Variants in VPS13B observed in about 807,000 individuals in gnomAD.
VPS13B encodes intermembrane lipid transfer protein VPS13B.
Under a neutral mutation model 426.4 loss-of-function variants are expected in VPS13B, and 285 were observed. The observed-to-expected ratio is 0.67, with a 90% confidence interval of 0.61 to 0.74. VPS13B has a LOEUF of 0.74. Ranked by LOEUF, VPS13B falls within the 30% of genes least tolerant of loss-of-function variation. The pLI is 0.00. For synonymous variants in VPS13B, 1,676 were observed against 1,676.4 expected, an observed-to-expected ratio of 1.00 and a Z score of 0.01; for missense variants, 4,537 against 4,782.6, an observed-to-expected ratio of 0.95 and a Z score of 1.51.
intron 30 of VPS13B, among the ~76,000 whole-genome samples, chr8:99,552,725 A>G (rs952508265): frequency 6.6e-6 from 1 of 152,080 alleles, no homozygotes; most frequent in African/African-American, 2.4e-5. Context: ...TACAAAAAAT[A>G]TTTGGAGAAG....
chr8:99,201,306 G>C (rs1049349768), intron 17 of VPS13B, among the ~76,000 whole-genome samples: 4 of 151,940 alleles, frequency 2.6e-5, no homozygotes, highest in Non-Finnish European at 5.9e-5. Flanking sequence ...ATTATAAATT[G>C]TGATTTATTA....
chr8:99,422,106 T>C (rs893174035), intron 21 of VPS13B, among the ~76,000 whole-genome samples: 1 of 152,192 alleles, frequency 6.6e-6, no homozygotes, highest in Non-Finnish European at 1.5e-5. Context: ...AGTAGACCTG[T>C]CTTGCCTTTC....
intron 19 of VPS13B, among the ~76,000 whole-genome samples, chr8:99,356,189 C>T (rs1248348942): frequency 2.0e-5 from 3 of 152,204 alleles, no homozygotes; most frequent in Non-Finnish European, 4.4e-5. Flanking sequence ...GTAATTTAGA[C>T]TGTCACTATA....
chr8:99,739,332 G>A (rs1833969186), intron 39 of VPS13B, among the ~76,000 whole-genome samples: 1 of 152,206 alleles, frequency 6.6e-6, no homozygotes, highest in Non-Finnish European at 1.5e-5. Context: ...CTGGAAGCTC[G>A]AACTTGGTGG....
chr8:99,392,789 T>C (rs1017721558), intron 21 of VPS13B, among the ~76,000 whole-genome samples: 2 of 152,184 alleles, frequency 1.3e-5, no homozygotes, highest in African/African-American at 4.8e-5. Context: ...TAATTATGTT[T>C]ATTTTGTGGA....
At chr8:99,153,000 C>T (rs1811156043) in intron 14 of VPS13B, among the ~76,000 whole-genome samples, 1 of 151,916 alleles carries the variant, frequency 6.6e-6, no homozygotes, top group African/African-American at 2.4e-5. Flanking sequence ...AAAACCCTGT[C>T]TCTACAAAAA....
intron 24 of VPS13B, among the ~76,000 whole-genome samples, chr8:99,476,542 C>T (rs1819699550): frequency 6.6e-6 from 1 of 151,790 alleles, no homozygotes; most frequent in Non-Finnish European, 1.5e-5. Context: ...TATTGAAAGC[C>T]ACAAGTAAAG....
chr8:99,380,128 G>A (rs566071491), intron 19 of VPS13B, among the ~76,000 whole-genome samples: 178 of 152,148 alleles, frequency 1.2e-3, no homozygotes, highest in African/African-American at 4.0e-3. Flanking sequence ...TGTATATATC[G>A]TACTACTTTA....
At position 99,835,282 on chromosome 8, in the gene VPS13B, A is replaced by G; in HGVS notation, c.9700A>G (p.Asn3234Asp). The change falls in exon 53 of 62, where the codon AAT becomes GAT. Residue 3234 changes from asparagine (N) to aspartate (D), a missense_variant. By Grantham distance (23) the Asn-to-Asp change is conservative (BLOSUM62 1). Transcript: ENST00000357162. ...CCCTAGTCCTCGAGTAATTATCCAC[A>G]ATAGATGTCCAGTAAAAATGCTTAT... ...EDPSPRVIIH[N>D]RCPVKMLIKE... 1 of 1,613,462 alleles carries G rather than the reference A, an allele frequency of 6.2e-7. No individual in the cohort carries two copies.
chr8:99,089,214 A>G (rs1430475308), intron 3 of VPS13B, among the ~76,000 whole-genome samples: 1 of 152,108 alleles, frequency 6.6e-6, no homozygotes, highest in Non-Finnish European at 1.5e-5. Context: ...GTCGATTAGG[A>G]GGATTGAGAT....
At chr8:99,311,817 A>G (rs1357284162) in intron 19 of VPS13B, among the ~76,000 whole-genome samples, 2 of 152,146 alleles carry the variant, frequency 1.3e-5, no homozygotes, top group Admixed American at 1.3e-4. Flanking sequence ...GTCTCTTTGT[A>G]GGTCTCTAAG....
chr8:99,509,949 A>G (rs1036382006), intron 28 of VPS13B, among the ~76,000 whole-genome samples: 2 of 152,168 alleles, frequency 1.3e-5, no homozygotes, highest in Admixed American at 1.3e-4. Flanking sequence ...ACTTGTTTAT[A>G]GTGTGCAATT....
chr8:99,405,888 T>C (rs1228889862), intron 21 of VPS13B, among the ~76,000 whole-genome samples: 2 of 151,990 alleles, frequency 1.3e-5, no homozygotes, highest in Non-Finnish European at 2.9e-5. Flanking sequence ...CAAGCGATTC[T>C]CCTGCCTCAG....
intron 21 of VPS13B, among the ~76,000 whole-genome samples, chr8:99,410,703 T>A: frequency 6.6e-6 from 1 of 152,112 alleles, no homozygotes; most frequent in East Asian, 1.9e-4. Flanking sequence ...CAAAATGTTA[T>A]CCCTCCCCTA....
chr8:99,495,265 A>G (rs1820825128), intron 25 of VPS13B, among the ~76,000 whole-genome samples: 1 of 152,244 alleles, frequency 6.6e-6, no homozygotes, highest in African/African-American at 2.4e-5. Flanking sequence ...TGGCATAGAC[A>G]TGCATATGTT....
At chr8:99,273,757 C>T (rs538650135) in intron 17 of VPS13B, among the ~76,000 whole-genome samples, 2 of 151,976 alleles carry the variant, frequency 1.3e-5, no homozygotes, top group East Asian at 1.9e-4. Flanking sequence ...TGCACCACTG[C>T]ACTCCAGCCT....
At chr8:99,656,528 T>A (rs1352970019) in intron 34 of VPS13B, among the ~76,000 whole-genome samples, 1 of 152,202 alleles carries the variant, frequency 6.6e-6, no homozygotes, top group Non-Finnish European at 1.5e-5. Context: ...CCCCAGTGTG[T>A]TGACCCTGAA....
intron 33 of VPS13B, among the ~76,000 whole-genome samples, chr8:99,588,179 ATC>A (rs1489832978): frequency 6.6e-6 from 1 of 150,456 alleles, no homozygotes; most frequent in Non-Finnish European, 1.5e-5. Flanking sequence ...CCATTGGACT[ATC>A]TGTTTTGGTA....
At chr8:99,394,799 A>G (rs1186999565) in intron 21 of VPS13B, among the ~76,000 whole-genome samples, 1 of 152,228 alleles carries the variant, frequency 6.6e-6, no homozygotes, top group African/African-American at 2.4e-5. Flanking sequence ...CATAATAAAT[A>G]CAGTTAAAAT....
Sources: gnomAD v4.1 joint callset for allele counts (sites outside exome capture counted in the v4.1 genomes callset) on GRCh38, gnomAD v4.1.1 for gene constraint, MANE v1.5 for transcripts, NCBI Gene and HGNC (gene_info 2026-07-23, HGNC 2026-07-21) for gene names.